CEP63: variants seen among roughly 807,000 people sequenced by gnomAD.
CEP63 encodes centrosomal protein of 63 kDa.
A neutral mutation model predicts 89.1 loss-of-function variants in CEP63; 84 were observed. The observed-to-expected ratio is 0.94, with a 90% CI of 0.79 to 1.13. The LOEUF is 1.13. CEP63 is among the 50% of genes most tolerant of loss of function. The pLI is 0.00. For missense variants in CEP63, 838 were observed against 813.3 expected (o/e 1.03, Z -0.37); for synonymous variants, 267 against 272.5 (o/e 0.98, Z 0.20).
At chr3:134,500,958 T>G (rs2108249479) in intron 2 of CEP63, among the ~76,000 whole-genome samples, 1 of 126,362 alleles carries the variant, frequency 7.9e-6, no homozygotes, top group East Asian at 2.5e-4. Context: ...TCTCCTAGGA[T>G]TCTTATAGTT....
the CEP63 span, among the ~76,000 whole-genome samples, chr3:134,696,116 G>T: frequency 6.6e-6 from 1 of 152,208 alleles, no homozygotes; most frequent in Non-Finnish European, 1.5e-5. Flanking sequence ...GTGTCATGTG[G>T]CTGAAGTTAG....
the CEP63 span, among the ~76,000 whole-genome samples, chr3:134,602,449 A>G: frequency 6.6e-6 from 1 of 152,274 alleles, no homozygotes; most frequent in Non-Finnish European, 1.5e-5. Flanking sequence ...GAGACGGGAT[A>G]GGATGTTTTC....
In CEP63 at chr3:134,561,408, T is replaced by C; in HGVS notation, c.1985T>C (p.Ile662Thr). The part of the protein sequence containing the change: ...CSLPVSPLGS[I>T]ATRFLEEEEL... ...TTGCCTGTATCTCCCCTTGGTTCAA[T>C]AGCTACCAGATTTTTGGAAGAGGAG... The change falls in exon 15 of 15, where the codon ATA (isoleucine) becomes ACA (threonine). Residue 662 changes from isoleucine (I) to threonine (T), a missense_variant. Coordinates refer to ENST00000675561, the MANE Select transcript of CEP63 (RefSeq NM_001353108.3). The C allele has an allele frequency of 1.2e-6, 2 of 1,614,060 alleles. No homozygotes were observed. Among genetic ancestry groups the C allele is most frequent in the Non-Finnish European group, 1.7e-6 (2 of 1,179,956 alleles).
the CEP63 span, among the ~76,000 whole-genome samples, chr3:134,685,955 G>T: frequency 3.3e-5 from 5 of 152,208 alleles, no homozygotes; most frequent in Non-Finnish European, 7.3e-5. Flanking sequence ...GGCTACCAAT[G>T]TTACCTACAT....
At chr3:134,550,008 T>A in intron 10 of CEP63, 55 bp from the exon 11 acceptor site, 1 of 1,220,090 alleles carries the variant, frequency 8.2e-7, no homozygotes. Flanking sequence ...AACATATTAT[T>A]CTATCTAAAT....
At chr3:134,623,880 T>G in the CEP63 span, among the ~76,000 whole-genome samples, 1 of 152,102 alleles carries the variant, frequency 6.6e-6, no homozygotes, top group Non-Finnish European at 1.5e-5. Flanking sequence ...CCCAGCCCCT[T>G]TGATGGCTCC....
chr3:134,568,678 T>C (rs565047474), downstream of CEP63, among the ~76,000 whole-genome samples: 1 of 152,368 alleles, frequency 6.6e-6, no homozygotes, highest in East Asian at 1.9e-4. Flanking sequence ...AGGCATCACC[T>C]GATCTGTTTA....
the CEP63 span, among the ~76,000 whole-genome samples, chr3:134,699,945 G>A: frequency 6.6e-6 from 1 of 152,232 alleles, no homozygotes; most frequent in Non-Finnish European, 1.5e-5. Flanking sequence ...AACTGACTGA[G>A]TCAAGGCTGG....
chr3:134,778,710 C>A, the CEP63 span, among the ~76,000 whole-genome samples: 2 of 152,122 alleles, frequency 1.3e-5, no homozygotes, highest in Admixed American at 1.3e-4. Context: ...AGGTGCCCAC[C>A]ACCATGCCCG....
the CEP63 span, among the ~76,000 whole-genome samples, chr3:134,596,037 T>C: frequency 0.013 from 1,565 of 123,760 alleles, 15 homozygotes; most frequent in Middle Eastern, 0.027. Context: ...AGCTTTCCCG[T>C]GGAAAGGTTT....
chr3:134,756,127 G>A, the CEP63 span, among the ~76,000 whole-genome samples: 2 of 152,208 alleles, frequency 1.3e-5, no homozygotes, highest in Non-Finnish European at 1.5e-5. Flanking sequence ...TGGCACCCCA[G>A]GAACACTTCA....
At position 134,531,056 on chromosome 3, in the gene CEP63, C is replaced by T. The variant is rs56301720; in HGVS notation, c.223-789C>T. On this transcript the variant is annotated intron_variant, in intron 3 of 14. Coordinates refer to ENST00000675561, the MANE Select transcript of CEP63 (RefSeq NM_001353108.3). ...AAGTGGGTTAGGATAACTTCCTTAC[C>T]ATGGTTGGTGGAACTCGTTTCTCTG... 2.8e-3 allele frequency among the ~76,000 whole-genome samples: 423 copies of T among 152,186 alleles called. 4 individuals carry two copies. The highest frequency in any genetic ancestry group is 9.4e-3 in the African/African-American group (392 of 41,506).
At chr3:134,764,516 A>G in the CEP63 span, among the ~76,000 whole-genome samples, 3 of 152,056 alleles carry the variant, frequency 2.0e-5, no homozygotes, top group Non-Finnish European at 4.4e-5. Context: ...GTTCTGCTGC[A>G]TTTGCCTCTC....
At chr3:134,622,323 T>G in the CEP63 span, among the ~76,000 whole-genome samples, 1 of 152,274 alleles carries the variant, frequency 6.6e-6, no homozygotes, top group Admixed American at 6.5e-5. Flanking sequence ...CATCCATGAA[T>G]GAAAGGATAA....
chr3:134,494,245 G>T (rs914170063), intron 1 of CEP63, among the ~76,000 whole-genome samples: 4 of 151,574 alleles, frequency 2.6e-5, no homozygotes, highest in Admixed American at 2.6e-4. Flanking sequence ...CCTCCCCATG[G>T]CTGGAACTAC....
At chr3:134,775,435 G>C in the CEP63 span, among the ~76,000 whole-genome samples, 1 of 152,182 alleles carries the variant, frequency 6.6e-6, no homozygotes, top group Non-Finnish European at 1.5e-5. Context: ...ATTTTCTGAG[G>C]CTTTCCCTGA....
the CEP63 span, among the ~76,000 whole-genome samples, chr3:134,670,097 C>T: frequency 6.6e-6 from 1 of 152,182 alleles, no homozygotes; most frequent in Non-Finnish European, 1.5e-5. Context: ...GGACCCTGAT[C>T]TCAGACTTTC....
intron 10 of CEP63, among the ~76,000 whole-genome samples, chr3:134,585,668 G>C (rs952163277): frequency 1.3e-5 from 2 of 151,244 alleles, no homozygotes; most frequent in African/African-American, 2.4e-5. Context: ...TGTATATTCT[G>C]TTGATTTGGG....
In CEP63 at chr3:134,558,152, T is replaced by C. The variant is rs1956621118; in HGVS notation, c.1478T>C (p.Ile493Thr). 6.2e-7 allele frequency: 1 copy of C among 1,612,888 alleles called. No individual in the cohort carries two copies. Among genetic ancestry groups the C allele is most frequent in the African/African-American group, 1.3e-5 (1 of 74,882 alleles). ...LELGLHEAKE[I>T]SLADLQENYI... ...ATTCTTTTTTATTAGGCAAAAGAGA[T>C]TTCACTAGCAGACCTCCAGGAGAAT... The change falls in exon 13 of 15, where the codon ATT becomes ACT. Residue 493 changes from isoleucine to threonine, a missense_variant. Physicochemically the swap from Ile to Thr is moderately conservative, Grantham distance 89. Transcript: ENST00000675561.
Sources: allele counts gnomAD v4.1 joint callset (sites outside exome capture counted in the v4.1 genomes callset), GRCh38; gene constraint gnomAD v4.1.1; transcripts MANE v1.5; gene names NCBI Gene and HGNC (gene_info 2026-07-23, HGNC 2026-07-21).